PARD6G: variants seen among roughly 807,000 people sequenced by gnomAD.
PARD6G encodes the protein par-6 family cell polarity regulator gamma.
In PARD6G, 7 loss-of-function variants were observed where a neutral mutation model predicts 10.7. The observed-to-expected ratio is 0.66, with a 90% CI of 0.37 to 1.23. PARD6G has a LOEUF of 1.23. Ranked by LOEUF, PARD6G falls within the 50% of genes most tolerant of loss-of-function variation. PARD6G has a pLI of 0.02. For missense variants in PARD6G, 548 were observed against 571.8 expected (o/e 0.96, Z 0.42); for synonymous variants, 287 against 269.4 (o/e 1.07, Z -0.64).
chr18:80,229,017 T>A (rs1175589712), intron 1 of PARD6G, among the ~76,000 whole-genome samples: 1 of 152,086 alleles, frequency 6.6e-6, no homozygotes, highest in African/African-American at 2.4e-5. Context: ...TGGCTCACCA[T>A]AACCTCCACC....
intron 1 of PARD6G, among the ~76,000 whole-genome samples, chr18:80,210,715 G>A (rs1442336916): frequency 6.6e-6 from 1 of 152,172 alleles, no homozygotes; most frequent in African/African-American, 2.4e-5. Flanking sequence ...TATCTACAAA[G>A]GGAACGACTA....
intron 2 of PARD6G, among the ~76,000 whole-genome samples, chr18:80,166,146 T>G (rs2145245680): frequency 6.6e-6 from 1 of 152,216 alleles, no homozygotes; most frequent in African/African-American, 2.4e-5. Context: ...TTTGGACCTG[T>G]AAACAAATGT....
intron 2 of PARD6G, among the ~76,000 whole-genome samples, chr18:80,199,171 G>C (rs976515339): frequency 1.3e-5 from 2 of 152,156 alleles, no homozygotes; most frequent in Non-Finnish European, 2.9e-5. Context: ...TTGCTTCCGG[G>C]GGACACAGGG....
intron 2 of PARD6G, among the ~76,000 whole-genome samples, chr18:80,173,917 G>T (rs1233635634): frequency 6.6e-6 from 1 of 152,146 alleles, no homozygotes; most frequent in Non-Finnish European, 1.5e-5. Context: ...CAGTTTCCAG[G>T]TCACAACAGG....
chr18:80,159,835 G>C lies in PARD6G; in HGVS notation c.1067C>G (p.Pro356Arg). The change falls in exon 3 of 3, where the codon CCC (proline) becomes CGC (arginine). Residue 356 changes from proline to arginine, a missense_variant. Around this residue, in one of 2 missense-constraint regions of PARD6G, gnomAD observed 313 missense variants for 279.9 expected, o/e 1.12. Transcript: ENST00000353265. ...TGGCGGCAGCGCCAGGCTGTGACGGGGGTCGGCCCGCAGGGAGCTGAGCAG... is the reference window on the plus strand; with the variant it reads ...TGGCGGCAGCGCCAGGCTGTGACGGCGGTCGGCCCGCAGGGAGCTGAGCAG... ...QRLLSSLRAD[P>R]RHSLALPPGG... 2.0e-6 allele frequency: 3 copies of C among 1,491,598 alleles called. No homozygotes were observed. The highest frequency in any genetic ancestry group is 2.7e-6 in the Non-Finnish European group (3 of 1,125,750). The allele number at this position is 1,491,598 out of a possible 1,614,324, so 92.4% of individuals were successfully genotyped here. A position where few individuals can be genotyped will look rare whatever the true frequency, so the allele number is the denominator to read the frequency against.
At chr18:80,169,725 T>C (rs8092249) in intron 2 of PARD6G, 64,722 of 152,134 alleles carry the variant, frequency 0.43, 15,036 homozygotes, top group South Asian at 0.55. Context: ...GACTCGGTTT[T>C]AGGTCACCAT....
chr18:80,228,226 C>T lies in PARD6G; in HGVS notation c.72+19051G>A, dbSNP rs901395326. ...CTGGTGCTCAGGAAGTCACATCCCA[C>T]GGGGGAGACGGCAGCGAGCAGAGAG... On this transcript the variant is annotated intron_variant, in intron 1 of 2. Coordinates refer to ENST00000353265, the MANE Select transcript of PARD6G (RefSeq NM_032510.4). This position sits in a 1 kb window ranked among gnomAD's most constrained non-coding sequence, Gnocchi z 4.6. 1.3e-5 allele frequency among the ~76,000 whole-genome samples: 2 copies of T among 152,164 alleles called. No homozygotes were observed. Among genetic ancestry groups the T allele is most frequent in the Admixed American group, 6.5e-5 (1 of 15,276 alleles).
At chr18:80,245,980 T>C (rs548233943) in intron 1 of PARD6G, among the ~76,000 whole-genome samples, 3 of 152,150 alleles carry the variant, frequency 2.0e-5, no homozygotes, top group Non-Finnish European at 4.4e-5. Flanking sequence ...GAGGCGGCCA[T>C]GCTGTTGCTG....
intron 1 of PARD6G, among the ~76,000 whole-genome samples, chr18:80,245,062 C>G (rs1967529883): frequency 6.6e-6 from 1 of 152,214 alleles, no homozygotes; most frequent in Admixed American, 6.5e-5. Flanking sequence ...AGACAAGCAT[C>G]TGCTGCATCT....
At chr18:80,178,961 G>A (rs1238755117) in intron 2 of PARD6G, among the ~76,000 whole-genome samples, 8 of 152,160 alleles carry the variant, frequency 5.3e-5, no homozygotes, top group South Asian at 2.1e-4. Context: ...GGCGGGTGGC[G>A]ACCTGCAGGG....
chr18:80,159,147 AC>A lies in PARD6G; in HGVS notation c.*623del, dbSNP rs1382767545. The A allele has an allele frequency of 2.6e-5, 4 of 151,814 alleles. No homozygotes were observed. Among genetic ancestry groups the A allele is most frequent in the Non-Finnish European group, 5.9e-5 (4 of 67,996 alleles). 9.4% of individuals were successfully genotyped at this position (151,814 alleles called of 1,614,324 possible). A position where few individuals can be genotyped will look rare whatever the true frequency, so the allele number is the denominator to read the frequency against. The stretch of plus-strand genomic sequence containing the variant: ...TGGGATTACAGGCGCCTGCCACCAC[AC>A]CTGGCTAATTTTTATATTTTTAGTA... On this transcript the variant is annotated 3_prime_UTR_variant, in exon 3 of 3. Transcript: ENST00000353265.
chr18:80,166,238 G>T (rs1325727407), intron 2 of PARD6G, among the ~76,000 whole-genome samples: 1 of 151,326 alleles, frequency 6.6e-6, no homozygotes, highest in Non-Finnish European at 1.5e-5. Context: ...ACACCGTATG[G>T]TCAGGTCGGC....
At position 80,231,777 on chromosome 18, in the gene PARD6G, C is replaced by A. The variant is rs1356181179; in HGVS notation, c.72+15500G>T. ...TGCTCACCAAGCTGTTTGTTCTCCC[C>A]CAGGCCTAGAGACGGGTTCGGCATC... On this transcript the variant is annotated intron_variant, in intron 1 of 2. Coordinates refer to ENST00000353265, the MANE Select transcript of PARD6G (RefSeq NM_032510.4). The surrounding 1 kb of genome is among the most constrained non-coding windows in gnomAD (Gnocchi z 4.2). Among the ~76,000 whole-genome samples the A allele has an allele frequency of 6.6e-6, 1 of 152,162 alleles. No homozygotes were observed.
chr18:80,183,442 G>A lies in PARD6G; in HGVS notation c.295+19268C>T, dbSNP rs1289260534. Among the ~76,000 whole-genome samples, 2 of 152,156 alleles carry A rather than the reference G, an allele frequency of 1.3e-5. No individual in the cohort carries two copies. The highest frequency in any genetic ancestry group is 2.4e-5 in the African/African-American group (1 of 41,434). On this transcript the variant is annotated intron_variant, in intron 2 of 2. Coordinates refer to ENST00000353265, the MANE Select transcript of PARD6G (RefSeq NM_032510.4). The surrounding 1 kb of genome is among the most constrained non-coding windows in gnomAD (Gnocchi z 4.5). Reference sequence around the variant, plus strand: ...GAGGGCAGCACCAGTCAGAATGGGTGGAGCAGGCCCCAGAGCTTCTAATGG... The same window carrying A: ...GAGGGCAGCACCAGTCAGAATGGGTAGAGCAGGCCCCAGAGCTTCTAATGG...
At chr18:80,236,199 G>A (rs906246020) in intron 1 of PARD6G, among the ~76,000 whole-genome samples, 1 of 152,088 alleles carries the variant, frequency 6.6e-6, no homozygotes, top group African/African-American at 2.4e-5. Context: ...GGTTCAACAA[G>A]CACAAATCAA....
At position 80,184,065 on chromosome 18, in the gene PARD6G, AC is replaced by A. The variant is rs1222011688; in HGVS notation, c.295+18644del. On this transcript the variant is annotated intron_variant, in intron 2 of 2. Coordinates refer to ENST00000353265, the MANE Select transcript of PARD6G (RefSeq NM_032510.4). The surrounding 1 kb of genome is among the most constrained non-coding windows in gnomAD (Gnocchi z 4.5). ...AGAGGAAATTTATTGTCCAAACCAG[AC>A]CCACCCCAATGCATTTGCCTCTGAT... The A allele has an allele frequency of 6.6e-6, 1 of 152,158 alleles. No individual in the cohort carries two copies. Among genetic ancestry groups the A allele is most frequent in the Non-Finnish European group, 1.5e-5 (1 of 68,038 alleles). 9.4% of individuals were successfully genotyped at this position (152,158 alleles called of 1,614,324 possible).
At chr18:80,227,502 T>A (rs191764579) in intron 1 of PARD6G, among the ~76,000 whole-genome samples, 5 of 152,308 alleles carry the variant, frequency 3.3e-5, no homozygotes, top group Admixed American at 1.3e-4. Context: ...GAGGCAATGT[T>A]TCAAATACTT....
At chr18:80,194,381 A>C (rs1395670862) in intron 2 of PARD6G, among the ~76,000 whole-genome samples, 1 of 152,230 alleles carries the variant, frequency 6.6e-6, no homozygotes, top group Non-Finnish European at 1.5e-5. Flanking sequence ...TTAGCTGAGA[A>C]CTTATTCACA....
At chr18:80,165,960 T>A (rs1182076381) in intron 2 of PARD6G, among the ~76,000 whole-genome samples, 1 of 152,088 alleles carries the variant, frequency 6.6e-6, no homozygotes, top group African/African-American at 2.4e-5. Context: ...CATCCACCTG[T>A]AATCCCAGCT....
Sources: allele counts gnomAD v4.1 joint callset (sites outside exome capture counted in the v4.1 genomes callset), GRCh38; gene constraint gnomAD v4.1.1; regional missense constraint gnomAD v4.1.1; non-coding constraint Gnocchi (gnomAD v3.1); transcripts MANE v1.5; gene names NCBI Gene and HGNC (gene_info 2026-07-23, HGNC 2026-07-21).